Variants in TENM2 observed in about 807,000 individuals in gnomAD.
TENM2 encodes the protein teneurin-2.
A neutral mutation model predicts 245.2 loss-of-function variants in TENM2; 52 were observed. The observed-to-expected ratio is 0.21, with a 90% CI of 0.17 to 0.27. The LOEUF is 0.27. Among genes scored for constraint, TENM2 ranks in the 10% least tolerant of loss-of-function variants. The pLI is 1.00. For synonymous variants in TENM2, 1,363 were observed against 1,438.9 expected, an observed-to-expected ratio of 0.95 and a Z score of 1.19; for missense variants, 3,046 against 3,666.8, an observed-to-expected ratio of 0.83 and a Z score of 4.37.
At chr5:168,176,653 T>G (rs190447273) in intron 13 of TENM2, among the ~76,000 whole-genome samples, 29 of 152,312 alleles carry the variant, frequency 1.9e-4, no homozygotes, top group African/African-American at 7.0e-4. Flanking sequence ...CATTGTTTAT[T>G]GTCTATTTTC....
At chr5:167,148,543 A>C in the TENM2 span, among the ~76,000 whole-genome samples, 1 of 152,184 alleles carries the variant, frequency 6.6e-6, no homozygotes, top group Non-Finnish European at 1.5e-5. Context: ...TTGAAATGAA[A>C]TATTTTTTAA....
At chr5:167,689,643 T>C (rs941979238) in intron 2 of TENM2, among the ~76,000 whole-genome samples, 3 of 152,240 alleles carry the variant, frequency 2.0e-5, no homozygotes, top group African/African-American at 7.2e-5. Context: ...CAGGCATGGC[T>C]TGCACTGCAG....
chr5:167,495,072 A>G (rs1203683127), intron 2 of TENM2, among the ~76,000 whole-genome samples: 2 of 152,082 alleles, frequency 1.3e-5, no homozygotes, highest in African/African-American at 4.8e-5. Context: ...TAAAATGAAC[A>G]CCACACACAT....
At chr5:167,463,953 G>T (rs889970755) in intron 2 of TENM2, among the ~76,000 whole-genome samples, 1 of 152,170 alleles carries the variant, frequency 6.6e-6, no homozygotes, top group Non-Finnish European at 1.5e-5. Flanking sequence ...ATGAGGAATT[G>T]GGCAGGTGCA....
intron 2 of TENM2, among the ~76,000 whole-genome samples, chr5:167,558,509 C>A (rs932198902): frequency 5.3e-5 from 8 of 152,184 alleles, no homozygotes; most frequent in African/African-American, 1.9e-4. Flanking sequence ...CGAAGCTGAG[C>A]TCCACCTCCT....
intron 5 of TENM2, among the ~76,000 whole-genome samples, chr5:168,036,147 G>C (rs771888672): frequency 6.6e-6 from 1 of 152,106 alleles, no homozygotes; most frequent in African/African-American, 2.4e-5. Context: ...GTTAGGATCC[G>C]GCATGGGATC....
chr5:167,127,402 T>C, the TENM2 span, among the ~76,000 whole-genome samples: 2 of 152,158 alleles, frequency 1.3e-5, no homozygotes, highest in African/African-American at 2.4e-5. Context: ...AATTAATAGT[T>C]TGGAAATTTT....
chr5:167,924,634 C>T (rs1256088485), intron 3 of TENM2, among the ~76,000 whole-genome samples: 1 of 152,082 alleles, frequency 6.6e-6, no homozygotes, highest in African/African-American at 2.4e-5. Flanking sequence ...TTCCCAGCAC[C>T]CTTTGTCAAA....
intron 4 of TENM2, among the ~76,000 whole-genome samples, chr5:167,967,398 T>C (rs1781461377): frequency 6.6e-6 from 1 of 152,110 alleles, no homozygotes; most frequent in Non-Finnish European, 1.5e-5. Flanking sequence ...CGTGTGCAAA[T>C]TACAAGGTGC....
rs200530480 is a variant in TENM2, at chr5:167,304,361, C to T, written c.226+19298C>T. Among the ~76,000 whole-genome samples, 45 of 152,314 alleles carry T rather than the reference C, an allele frequency of 3.0e-4. No homozygotes were observed. In the East Asian group the frequency reaches 8.7e-3, roughly 29 times the overall value. ...GTTCCTTACTCTTGCTCTTCTGAAT[C>T]GCTTCCCCAGTAAACTACTTGTTCA... is the stretch of plus-strand genomic sequence containing the variant. On this transcript the variant is annotated intron_variant, in intron 1 of 28. Transcript: ENST00000518659.
chr5:167,782,585 C>T (rs185365315), intron 2 of TENM2, among the ~76,000 whole-genome samples: 35 of 152,122 alleles, frequency 2.3e-4, no homozygotes, highest in Non-Finnish European at 4.3e-4. Context: ...GTCCTTCAAC[C>T]GGCTTTATTG....
At chr5:167,489,032 G>C (rs908893627) in intron 2 of TENM2, among the ~76,000 whole-genome samples, 1 of 152,032 alleles carries the variant, frequency 6.6e-6, no homozygotes, top group Admixed American at 6.6e-5. Flanking sequence ...CCGCTGCCAC[G>C]TCCACTGCTC....
chr5:167,375,064 C>G, intron 1 of TENM2, 134 bp from the exon 4 acceptor site: 1 of 855,188 alleles, frequency 1.2e-6, no homozygotes, highest in East Asian at 2.7e-5. Context: ...TGTCCAAGAT[C>G]TGTTTCTGTA....
chr5:167,271,116 G>T, the TENM2 span, among the ~76,000 whole-genome samples: 1 of 152,062 alleles, frequency 6.6e-6, no homozygotes, highest in South Asian at 2.1e-4. Context: ...ATGGGAAGAG[G>T]GTGTTCAATC....
intron 1 of TENM2, among the ~76,000 whole-genome samples, chr5:167,373,027 C>T (rs185151518): frequency 6.9e-4 from 105 of 152,322 alleles, no homozygotes; most frequent in African/African-American, 2.4e-3. Context: ...GTGCTGATGG[C>T]AGAGAGGACT....
chr5:167,532,804 T>TTGTG (rs1181577752), intron 2 of TENM2, among the ~76,000 whole-genome samples: 10 of 120,854 alleles, frequency 8.3e-5, no homozygotes, highest in African/African-American at 3.4e-4. Flanking sequence ...ACATATATAT[T>TTGTG]TGTGTGTATG....
chr5:167,298,587 G>A (rs1255325137), intron 1 of TENM2, among the ~76,000 whole-genome samples: 1 of 152,198 alleles, frequency 6.6e-6, no homozygotes, highest in Non-Finnish European at 1.5e-5. Flanking sequence ...CTGGGCGACA[G>A]CGAGACTCCG....
At chr5:167,507,080 G>A (rs1308336483) in intron 2 of TENM2, among the ~76,000 whole-genome samples, 2 of 152,072 alleles carry the variant, frequency 1.3e-5, no homozygotes, top group African/African-American at 4.8e-5. Context: ...TTGGATTTCT[G>A]TATGTTTTTC....
upstream of TENM2, among the ~76,000 whole-genome samples, chr5:167,283,192 CGCCACCAG>C: frequency 6.6e-6 from 1 of 151,992 alleles, no homozygotes; most frequent in East Asian, 1.9e-4. Flanking sequence ...TATAGGTGCC[CGCCACCAG>C]GCCCAGCGAA....
Sources: allele counts gnomAD v4.1 joint callset (sites outside exome capture counted in the v4.1 genomes callset), GRCh38; gene constraint gnomAD v4.1.1; transcripts MANE v1.5; gene names NCBI Gene and HGNC (gene_info 2026-07-23, HGNC 2026-07-21).